Variants in LPCAT2 observed in about 807,000 individuals in gnomAD.
The protein encoded by LPCAT2 is lysophosphatidylcholine acyltransferase 2, also known as 1-AGP acyltransferase 11.
In LPCAT2, 58 loss-of-function variants were observed where a neutral mutation model predicts 64.7. The observed-to-expected ratio is 0.90, with a 90% CI of 0.73 to 1.12. LPCAT2 has a LOEUF of 1.12. LPCAT2 is among the 50% of genes most tolerant of loss of function. LPCAT2 has a pLI of 0.00. For synonymous variants in LPCAT2, 252 were observed against 245.3 expected, an observed-to-expected ratio of 1.03 and a Z score of -0.26; for missense variants, 579 against 669.8, an observed-to-expected ratio of 0.86 and a Z score of 1.50.
At chr16:55,513,809 G>A (rs1288089327) in intron 1 of LPCAT2, among the ~76,000 whole-genome samples, 1 of 152,152 alleles carries the variant, frequency 6.6e-6, no homozygotes, top group Non-Finnish European at 1.5e-5. Context: ...GGTCAGTCTG[G>A]TGGCTGCCTG....
At chr16:55,558,979 C>A (rs1417011314) in intron 11 of LPCAT2, among the ~76,000 whole-genome samples, 1 of 152,120 alleles carries the variant, frequency 6.6e-6, no homozygotes, top group Non-Finnish European at 1.5e-5. Flanking sequence ...ATCACTAAGA[C>A]TCTTTATTAT....
chr16:55,554,251 A>G (rs760836664), intron 11 of LPCAT2, among the ~76,000 whole-genome samples: 1 of 152,182 alleles, frequency 6.6e-6, no homozygotes, highest in Non-Finnish European at 1.5e-5. Flanking sequence ...ATTTCTCTCT[A>G]GGTATGAAAG....
At position 55,583,344 on chromosome 16, in the gene LPCAT2, G is replaced by T; in HGVS notation, c.*246G>T. The T allele has an allele frequency of 2.9e-6, 1 of 343,902 alleles. No individual in the cohort carries two copies. The highest frequency in any genetic ancestry group is 5.3e-6 in the Non-Finnish European group (1 of 187,378). 21.3% of individuals were successfully genotyped at this position (343,902 alleles called of 1,614,324 possible). A position where few individuals can be genotyped will look rare whatever the true frequency, so the allele number is the denominator to read the frequency against. ...TGATTCATTTACTGGTGATACATATGTTTTTATGGATTTTCCAGTTTAATT... is the reference window on the plus strand; with the variant it reads ...TGATTCATTTACTGGTGATACATATTTTTTTATGGATTTTCCAGTTTAATT... On this transcript the variant is annotated 3_prime_UTR_variant, in exon 14 of 14. Coordinates refer to ENST00000262134, the MANE Select transcript of LPCAT2 (RefSeq NM_017839.5).
At chr16:55,563,539 A>G (rs1217711678) in intron 11 of LPCAT2, among the ~76,000 whole-genome samples, 1 of 152,002 alleles carries the variant, frequency 6.6e-6, no homozygotes, top group African/African-American at 2.4e-5. Flanking sequence ...CTGGAATGCA[A>G]GATGGTTCAA....
chr16:55,532,057 C>A, intron 5 of LPCAT2, 83 bp downstream of exon 5: 1 of 891,390 alleles, frequency 1.1e-6, no homozygotes, highest in Non-Finnish European at 1.9e-6. Flanking sequence ...CAAAATAACT[C>A]TTTAGCTTGC....
rs1963367700 is a variant in LPCAT2, at chr16:55,539,329, TTTCTGGCAAAGAAAACAATG to T, written c.852+1699_852+1718del. ...TTCTGAGACCTGTTTGGATCATATT[TTTCTGGCAAAGAAAACAATG>T]TATTCTTTGTTCCATAACTTCACAA... On this transcript the variant is annotated intron_variant, in intron 8 of 13. Coordinates refer to ENST00000262134, the MANE Select transcript of LPCAT2 (RefSeq NM_017839.5). 2.0e-5 allele frequency: 3 copies of T among 151,984 alleles called. No homozygotes were observed. The South Asian group carries it at 6.2e-4, about 32-fold the overall frequency. 9.4% of individuals were successfully genotyped at this position (151,984 alleles called of 1,614,324 possible). A position where few individuals can be genotyped will look rare whatever the true frequency, so the allele number is the denominator to read the frequency against.
intron 3 of LPCAT2, 140 bp downstream of exon 3, chr16:55,528,734 T>C: frequency 3.0e-6 from 2 of 666,544 alleles, no homozygotes; most frequent in Non-Finnish European, 5.0e-6. Flanking sequence ...TTGTAATAAG[T>C]TACTACATGG....
chr16:55,557,779 T>C (rs1214545997), intron 11 of LPCAT2, among the ~76,000 whole-genome samples: 3 of 152,192 alleles, frequency 2.0e-5, no homozygotes, highest in African/African-American at 7.2e-5. Context: ...ATTCTTTTAC[T>C]TTTTCTTCCC....
chr16:55,545,021 G>A (rs1404743868), intron 8 of LPCAT2, among the ~76,000 whole-genome samples: 1 of 152,096 alleles, frequency 6.6e-6, no homozygotes, highest in African/African-American at 2.4e-5. Flanking sequence ...TATTAATCTT[G>A]CCTGGTATAT....
At chr16:55,528,236 T>C (rs765770555) in intron 2 of LPCAT2, 141 bp from the exon 3 acceptor site, 1 of 637,256 alleles carries the variant, frequency 1.6e-6, no homozygotes, top group Admixed American at 2.9e-5. Flanking sequence ...TCCATGTAAG[T>C]GTTAGCTGTT....
chr16:55,541,974 T>C, intron 8 of LPCAT2: 1 of 1,194,856 alleles, frequency 8.4e-7, no homozygotes, highest in Non-Finnish European at 1.1e-6. Context: ...AGATTGTCCT[T>C]TTAAAATTAT....
chr16:55,510,702 T>G (rs757671605), intron 1 of LPCAT2, among the ~76,000 whole-genome samples: 5 of 152,314 alleles, frequency 3.3e-5, no homozygotes, highest in East Asian at 3.9e-4. Flanking sequence ...GTGAGGAAAT[T>G]AAACGTTTAA....
rs1214396626 is a variant in LPCAT2, at chr16:55,579,245, G to A, written c.1450+1G>A. The stretch of plus-strand genomic sequence containing the variant: ...GCCCAAGGGGACTCAATTTCCTATG[G>A]TGAGTAGGCAATCTGGCCTCCTGAC... On this transcript the variant is annotated splice_donor_variant, in intron 13 of 13. Coordinates refer to ENST00000262134, the MANE Select transcript of LPCAT2 (RefSeq NM_017839.5). LOFTEE classifies it high-confidence loss of function. 2.4e-5 allele frequency: 39 copies of A among 1,611,726 alleles called. No individual in the cohort carries two copies. The highest frequency in any genetic ancestry group is 3.2e-5 in the Non-Finnish European group (38 of 1,178,956).
At chr16:55,537,390 CCAA>C (rs1172323406) in intron 7 of LPCAT2, among the ~76,000 whole-genome samples, 185 bp from the exon 8 acceptor site, 12 of 108,620 alleles carry the variant, frequency 1.1e-4, no homozygotes, top group African/African-American at 1.6e-4. Flanking sequence ...GACCCTGTCC[CCAA>C]AAAAAAAAAA....
At chr16:55,510,747 T>C (rs1385711013) in intron 1 of LPCAT2, among the ~76,000 whole-genome samples, 1 of 152,220 alleles carries the variant, frequency 6.6e-6, no homozygotes, top group African/African-American at 2.4e-5. Flanking sequence ...TTAATAGATA[T>C]TCTTTTTGTG....
intron 8 of LPCAT2, chr16:55,540,341 A>G (rs1963380793): frequency 6.6e-6 from 1 of 152,168 alleles, no homozygotes; most frequent in Admixed American, 6.5e-5. Flanking sequence ...TTGAATTCTA[A>G]TGTGGCATAA....
At chr16:55,521,864 G>A (rs1209617280) in intron 1 of LPCAT2, among the ~76,000 whole-genome samples, 1 of 151,622 alleles carries the variant, frequency 6.6e-6, no homozygotes, top group Admixed American at 6.6e-5. Flanking sequence ...CAGATACAGG[G>A]CATCTACAAA....
chr16:55,509,438 G>A lies in LPCAT2; in HGVS notation c.171+86G>A. On this transcript the variant is annotated intron_variant, in intron 1 of 13. Transcript: ENST00000262134. Reference sequence around the variant, plus strand: ...CCAGGTAAGGGGTGTGGGTCTGAGAGAGGAGGGCGGCCGAGGGGGGCGTGG... The same window carrying A: ...CCAGGTAAGGGGTGTGGGTCTGAGAAAGGAGGGCGGCCGAGGGGGGCGTGG... The A allele has an allele frequency of 2.4e-6, 3 of 1,262,378 alleles. No homozygotes were observed. In the South Asian group the frequency reaches 7.1e-5, roughly 30 times the overall value. The allele number at this position is 1,262,378 out of a possible 1,614,324, so 78.2% of individuals were successfully genotyped here. A position where few individuals can be genotyped will look rare whatever the true frequency, so the allele number is the denominator to read the frequency against.
intron 3 of LPCAT2, 45 bp downstream of exon 3, chr16:55,528,639 T>C: frequency 1.4e-6 from 2 of 1,406,406 alleles, no homozygotes; most frequent in African/African-American, 1.4e-5. Context: ...TTCATGCTCA[T>C]GCTTTAAATT....
Sources: gnomAD v4.1 joint callset for allele counts (sites outside exome capture counted in the v4.1 genomes callset) on GRCh38, gnomAD v4.1.1 for gene constraint, MANE v1.5 for transcripts, NCBI Gene and HGNC (gene_info 2026-07-23, HGNC 2026-07-21) for gene names.